Variants in BCAS3 observed in about 807,000 individuals in gnomAD.
The protein encoded by BCAS3 is BCAS4/BCAS3 fusion.
Under a neutral mutation model 116.1 loss-of-function variants are expected in BCAS3, and 53 were observed. The ratio of observed to expected loss-of-function variants is 0.46; its 90% CI spans 0.37 to 0.57. The LOEUF (loss-of-function observed/expected upper bound fraction) is 0.57. Ranked by LOEUF, BCAS3 falls within the 20% of genes least tolerant of loss-of-function variation. The pLI is 0.00. For missense variants in BCAS3, 917 were observed against 1,165.4 expected (o/e 0.79, Z 3.10); for synonymous variants, 391 against 408.2 (o/e 0.96, Z 0.51).
intron 5 of BCAS3, among the ~76,000 whole-genome samples, chr17:60,738,054 G>A (rs1445056550): frequency 6.6e-6 from 1 of 152,178 alleles, no homozygotes; most frequent in Non-Finnish European, 1.5e-5. Flanking sequence ...CAAAGTGCTG[G>A]GATTACAGGC....
chr17:60,716,696 C>T (rs1280446917), intron 5 of BCAS3, among the ~76,000 whole-genome samples: 1 of 147,206 alleles, frequency 6.8e-6, no homozygotes, highest in Non-Finnish European at 1.5e-5. Flanking sequence ...GCCTGGGTGA[C>T]AGAGCAAGAC....
chr17:61,091,422 ATTTG>A (rs1300563959), intron 22 of BCAS3, among the ~76,000 whole-genome samples: 1 of 152,202 alleles, frequency 6.6e-6, no homozygotes, highest in South Asian at 2.1e-4. Context: ...CACTATTAGA[ATTTG>A]TTTAAGTCTG....
At chr17:60,989,189 A>G (rs2063365555) in intron 14 of BCAS3, among the ~76,000 whole-genome samples, 1 of 152,156 alleles carries the variant, frequency 6.6e-6, no homozygotes, top group African/African-American at 2.4e-5. Flanking sequence ...GTCAGTGTAG[A>G]AAACTTAAGT....
intron 22 of BCAS3, among the ~76,000 whole-genome samples, chr17:61,322,548 A>G (rs2055307505): frequency 6.6e-6 from 1 of 152,108 alleles, no homozygotes; most frequent in Non-Finnish European, 1.5e-5. Context: ...AGCCAAGAAC[A>G]TGGCCTCACT....
intron 13 of BCAS3, among the ~76,000 whole-genome samples, chr17:60,926,290 G>A (rs1460342664): frequency 6.6e-6 from 1 of 152,138 alleles, no homozygotes; most frequent in Admixed American, 6.5e-5. Flanking sequence ...TTTGGTTGAT[G>A]TATCTAAGGA....
chr17:61,108,842 G>T (rs1283397670), intron 22 of BCAS3, among the ~76,000 whole-genome samples: 1 of 152,002 alleles, frequency 6.6e-6, no homozygotes, highest in Non-Finnish European at 1.5e-5. Flanking sequence ...TCCCACTTAT[G>T]AGTGAGAACA....
chr17:60,950,557 C>T (rs780334779), intron 14 of BCAS3, among the ~76,000 whole-genome samples: 1 of 152,148 alleles, frequency 6.6e-6, no homozygotes, highest in Admixed American at 6.5e-5. Context: ...CCTGGGTTAC[C>T]ACCTGGGTCT....
At chr17:60,782,808 G>A (rs2045948547) in intron 6 of BCAS3, among the ~76,000 whole-genome samples, 1 of 151,526 alleles carries the variant, frequency 6.6e-6, no homozygotes, top group Admixed American at 6.6e-5. Flanking sequence ...GGATGGTCTT[G>A]ATCTCTTGAC....
In BCAS3 at chr17:61,192,107, G is replaced by A. The variant is rs574134293; in HGVS notation, c.2425+107543G>A. Among the ~76,000 whole-genome samples, 10 of 151,812 alleles carry A rather than the reference G, an allele frequency of 6.6e-5. No homozygotes were observed. The East Asian group carries it at 1.4e-3, about 21-fold the overall frequency. ...TAAAACTTACAAAAATTAGCTGGGC[G>A]TGGTGGTGGGTGCCTGTAATCCCAG... On this transcript the variant is annotated intron_variant, in intron 22 of 23. Transcript: ENST00000407086.
Position 61,013,703 on chromosome 17 carries a change from T to A in BCAS3, c.1487-2048T>A, listed in dbSNP as rs2065255308. Among the ~76,000 whole-genome samples, 1 of 152,082 alleles carries A rather than the reference T, an allele frequency of 6.6e-6. No individual in the cohort carries two copies. The highest frequency in any genetic ancestry group is 1.5e-5 in the Non-Finnish European group (1 of 67,972). On this transcript the variant is annotated intron_variant, in intron 15 of 23. Coordinates refer to ENST00000407086, the MANE Select transcript of BCAS3 (RefSeq NM_017679.5). This position sits in a 1 kb window ranked among gnomAD's most constrained non-coding sequence, Gnocchi z 4.4. The stretch of plus-strand genomic sequence containing the variant: ...TTGAGGAGATAGAGAACGATTTATT[T>A]TATTTGCATGAATTTCTTATCTTTC...
In BCAS3 at chr17:61,171,724, C is replaced by T. The variant is rs1319451608; in HGVS notation, c.2425+87160C>T. Among the ~76,000 whole-genome samples, 1 of 151,952 alleles carries T rather than the reference C, an allele frequency of 6.6e-6. No homozygotes were observed. The highest frequency in any genetic ancestry group is 6.6e-5 in the Admixed American group (1 of 15,244). On this transcript the variant is annotated intron_variant, in intron 22 of 23. Transcript: ENST00000407086. This position sits in a 1 kb window ranked among gnomAD's most constrained non-coding sequence, Gnocchi z 4.1. Reference sequence around the variant, plus strand: ...CAGCCTCAAACTCCTGGGCTCAAGTCATCCTCCTGCTTCAGCCTCCTGAGT... The same window carrying T: ...CAGCCTCAAACTCCTGGGCTCAAGTTATCCTCCTGCTTCAGCCTCCTGAGT...
At chr17:60,786,880 T>C (rs2046331087) in intron 6 of BCAS3, among the ~76,000 whole-genome samples, 1 of 152,130 alleles carries the variant, frequency 6.6e-6, no homozygotes, top group Non-Finnish European at 1.5e-5. Context: ...ACATTTGGAG[T>C]GAATTGGATT....
chr17:60,798,648 T>C (rs936782092), intron 6 of BCAS3, among the ~76,000 whole-genome samples: 5 of 152,234 alleles, frequency 3.3e-5, no homozygotes, highest in African/African-American at 4.8e-5. Flanking sequence ...TCATAAACAT[T>C]GTGTGCAGGT....
At position 61,316,352 on chromosome 17, in the gene BCAS3, G is replaced by A. The variant is rs1036829966; in HGVS notation, c.2426-51975G>A. ...AATATAGCAGGTACTTAGTAAATGT[G>A]TGCTGAATGTGGGAGACGTCTTTTT... On this transcript the variant is annotated intron_variant, in intron 22 of 23. Coordinates refer to ENST00000407086, the MANE Select transcript of BCAS3 (RefSeq NM_017679.5). The surrounding 1 kb of genome is among the most constrained non-coding windows in gnomAD (Gnocchi z 5.8). 1.7e-4 allele frequency among the ~76,000 whole-genome samples: 26 copies of A among 152,176 alleles called. No homozygotes were observed. The highest frequency in any genetic ancestry group is 1.2e-3 in the Admixed American group (19 of 15,278).
At chr17:61,045,879 ATATAT>A (rs571342733) in intron 19 of BCAS3, among the ~76,000 whole-genome samples, 3 of 46,142 alleles carry the variant, frequency 6.5e-5, no homozygotes, top group African/African-American at 5.0e-4. Flanking sequence ...ATATATAAAT[ATATAT>A]TATATATATA....
chr17:60,748,958 A>G (rs995847329), intron 6 of BCAS3: 1 of 152,216 alleles, frequency 6.6e-6, no homozygotes, highest in African/African-American at 2.4e-5. Flanking sequence ...AGTCGAGTGC[A>G]GTAGTGAGAA....
At position 61,037,787 on chromosome 17, in the gene BCAS3, G is replaced by T; in HGVS notation, c.1763-102G>T. On this transcript the variant is annotated intron_variant, in intron 17 of 23. Coordinates refer to ENST00000407086, the MANE Select transcript of BCAS3 (RefSeq NM_017679.5). This position sits in a 1 kb window ranked among gnomAD's most constrained non-coding sequence, Gnocchi z 4.7. ...ATTCCTGTCTTTTCATTTTCTCTGA[G>T]CAGCCTCAGGAGCAGACTAATAAGA... The T allele has an allele frequency of 9.4e-7, 1 of 1,058,462 alleles. No individual in the cohort carries two copies. 65.6% of individuals were successfully genotyped at this position (1,058,462 alleles called of 1,614,324 possible). A position where few individuals can be genotyped will look rare whatever the true frequency, so the allele number is the denominator to read the frequency against.
At chr17:60,905,588 C>T (rs1370862730) in intron 11 of BCAS3, among the ~76,000 whole-genome samples, 2 of 152,134 alleles carry the variant, frequency 1.3e-5, no homozygotes, top group African/African-American at 4.8e-5. Flanking sequence ...TGTTTCTGCT[C>T]GTTCTCATTT....
Position 61,017,908 on chromosome 17 carries a change from A to G in BCAS3, c.1637+2007A>G, listed in dbSNP as rs1176282930. On this transcript the variant is annotated intron_variant, in intron 16 of 23. Coordinates refer to ENST00000407086, the MANE Select transcript of BCAS3 (RefSeq NM_017679.5). The surrounding 1 kb of genome is among the most constrained non-coding windows in gnomAD (Gnocchi z 4.7). ...GTTACTACACATTATGAATTTAGAT[A>G]AAATTCTTATGTTTCCTTTTCTTAC... is the stretch of plus-strand genomic sequence containing the variant. 6.6e-6 allele frequency among the ~76,000 whole-genome samples: 1 copy of G among 152,168 alleles called. No homozygotes were observed. The highest frequency in any genetic ancestry group is 1.5e-5 in the Non-Finnish European group (1 of 68,014).
Sources: gnomAD v4.1 joint callset for allele counts (sites outside exome capture counted in the v4.1 genomes callset) on GRCh38, gnomAD v4.1.1 for gene constraint, Gnocchi (gnomAD v3.1) non-coding constraint, MANE v1.5 for transcripts, NCBI Gene and HGNC (gene_info 2026-07-23, HGNC 2026-07-21) for gene names.